The following PPA2 variants were observed in gnomAD, a reference collection of about 807,000 sequenced individuals.
PPA2 encodes inorganic pyrophosphatase 2, mitochondrial.
A neutral mutation model predicts 49.5 loss-of-function variants in PPA2; 48 were observed. The observed-to-expected ratio is 0.97, with a 90% CI of 0.77 to 1.23. The LOEUF is 1.23. Ranked by LOEUF, PPA2 falls within the 50% of genes most tolerant of loss-of-function variation. PPA2 has a pLI of 0.00. For synonymous variants in PPA2, 131 were observed against 139.9 expected (o/e 0.94, Z 0.45); for missense variants, 429 against 410.1 (o/e 1.05, Z -0.40).
At chr4:105,441,662 C>A (rs903468064) in intron 5 of PPA2, among the ~76,000 whole-genome samples, 10 of 152,048 alleles carry the variant, frequency 6.6e-5, no homozygotes, top group Non-Finnish European at 5.9e-5. Context: ...AAAACTTTAG[C>A]ATGGACCCAA....
chr4:105,378,706 C>T (rs569058522), intron 10 of PPA2, among the ~76,000 whole-genome samples: 1 of 152,086 alleles, frequency 6.6e-6, no homozygotes, highest in East Asian at 1.9e-4. Flanking sequence ...AAATTTAGGT[C>T]TAGGATCCAT....
intron 10 of PPA2, among the ~76,000 whole-genome samples, chr4:105,385,014 T>C (rs1018594843): frequency 2.0e-5 from 3 of 152,198 alleles, no homozygotes; most frequent in Non-Finnish European, 2.9e-5. Flanking sequence ...TGAGTGTTTC[T>C]TGAATACCTC....
chr4:105,439,310 T>C lies in PPA2; in HGVS notation c.442-1274A>G, dbSNP rs190734818. Reference sequence around the variant, plus strand: ...GTATTAGAACTCATGCTACTAATCATTTTTTATGTGCAAATTATGATAACA... The same window carrying C: ...GTATTAGAACTCATGCTACTAATCACTTTTTATGTGCAAATTATGATAACA... On this transcript the variant is annotated intron_variant, in intron 5 of 11. Coordinates refer to ENST00000341695, the MANE Select transcript of PPA2 (RefSeq NM_176869.3). Among the ~76,000 whole-genome samples the C allele has an allele frequency of 6.6e-5, 10 of 152,312 alleles. No homozygotes were observed. The East Asian group carries it at 1.9e-3, about 29-fold the overall frequency.
chr4:105,466,655 G>A (rs1723314664), intron 1 of PPA2, among the ~76,000 whole-genome samples: 1 of 152,126 alleles, frequency 6.6e-6, no homozygotes, highest in Non-Finnish European at 1.5e-5. Context: ...AGGGAAGGAA[G>A]GTACACTTGG....
intron 1 of PPA2, among the ~76,000 whole-genome samples, chr4:105,463,932 A>G (rs1241629024): frequency 6.6e-6 from 1 of 152,182 alleles, no homozygotes; most frequent in African/African-American, 2.4e-5. Context: ...AACCTCTGCT[A>G]GAGCACTGTG....
chr4:105,457,442 T>C (rs1722917025), intron 1 of PPA2, among the ~76,000 whole-genome samples: 1 of 152,232 alleles, frequency 6.6e-6, no homozygotes. Flanking sequence ...ATTTTCACTT[T>C]GTAATTTCCT....
intron 9 of PPA2, among the ~76,000 whole-genome samples, chr4:105,387,257 A>G (rs1457517506): frequency 2.0e-5 from 3 of 152,170 alleles, no homozygotes; most frequent in Admixed American, 6.5e-5. Flanking sequence ...AAGCAAAAGC[A>G]TCATTCCTCT....
At chr4:105,383,092 T>A (rs1000852176) in intron 10 of PPA2, among the ~76,000 whole-genome samples, 1 of 152,194 alleles carries the variant, frequency 6.6e-6, no homozygotes, top group Non-Finnish European at 1.5e-5. Flanking sequence ...TGTAGCCCAC[T>A]CAGAGCACTC....
intron 1 of PPA2, among the ~76,000 whole-genome samples, chr4:105,469,096 A>C (rs1251915908): frequency 6.6e-6 from 1 of 152,158 alleles, no homozygotes; most frequent in African/African-American, 2.4e-5. Context: ...CTGTTGTTTT[A>C]GGGTTACCCT....
At chr4:105,412,618 A>C (rs1722815060) in intron 7 of PPA2, among the ~76,000 whole-genome samples, 1 of 152,254 alleles carries the variant, frequency 6.6e-6, no homozygotes, top group South Asian at 2.1e-4. Context: ...AGAATCTACA[A>C]AGAACTTAAA....
chr4:105,453,571 C>A (rs1335196111), intron 3 of PPA2, 27 bp downstream of exon 3: 5 of 1,539,190 alleles, frequency 3.2e-6, no homozygotes, highest in Non-Finnish European at 3.5e-6. Context: ...AAAAGTGATT[C>A]ACAAAAATAA....
chr4:105,412,778 A>G (rs1457557732), intron 7 of PPA2, among the ~76,000 whole-genome samples: 4 of 152,238 alleles, frequency 2.6e-5, no homozygotes, highest in African/African-American at 9.6e-5. Flanking sequence ...CAAAACCACA[A>G]TGAGATATCA....
chr4:105,382,247 A>G (rs1163217930), intron 10 of PPA2, among the ~76,000 whole-genome samples: 1 of 152,124 alleles, frequency 6.6e-6, no homozygotes, highest in African/African-American at 2.4e-5. Flanking sequence ...TAGACAGAGA[A>G]TGTGGTCTGC....
chr4:105,378,440 T>C (rs1015022877), intron 10 of PPA2, among the ~76,000 whole-genome samples: 1 of 152,140 alleles, frequency 6.6e-6, no homozygotes, highest in Non-Finnish European at 1.5e-5. Context: ...AAAAACTGAA[T>C]GTTTTGTTTT....
chr4:105,378,429 T>A (rs1038015929), intron 10 of PPA2, among the ~76,000 whole-genome samples: 10 of 152,154 alleles, frequency 6.6e-5, no homozygotes, highest in African/African-American at 2.2e-4. Context: ...TGTACATTTT[T>A]AAAAACTGAA....
intron 10 of PPA2, among the ~76,000 whole-genome samples, chr4:105,377,206 A>G (rs1337044132): frequency 2.0e-5 from 3 of 152,182 alleles, no homozygotes; most frequent in Non-Finnish European, 4.4e-5. Context: ...CTCATAAAGG[A>G]GTGATATCCT....
intron 6 of PPA2, among the ~76,000 whole-genome samples, chr4:105,425,731 C>T (rs1025362262): frequency 2.1e-4 from 30 of 145,426 alleles, no homozygotes; most frequent in Middle Eastern, 3.5e-3. Context: ...CATACACACA[C>T]ACACACACAC....
At chr4:105,465,575 T>A (rs1229758043) in intron 1 of PPA2, among the ~76,000 whole-genome samples, 1 of 152,188 alleles carries the variant, frequency 6.6e-6, no homozygotes, top group African/African-American at 2.4e-5. Context: ...GGATTGCATG[T>A]GAGGCCAATT....
chr4:105,409,754 G>T (rs555354195), intron 7 of PPA2, among the ~76,000 whole-genome samples: 4 of 152,210 alleles, frequency 2.6e-5, no homozygotes, highest in Non-Finnish European at 5.9e-5. Flanking sequence ...AGCCTCTGCT[G>T]GTGATACCCA....
Sources: gnomAD v4.1 joint callset for allele counts (sites outside exome capture counted in the v4.1 genomes callset) on GRCh38, gnomAD v4.1.1 for gene constraint, MANE v1.5 for transcripts, NCBI Gene and HGNC (gene_info 2026-07-23, HGNC 2026-07-21) for gene names.